The following GALR1 variants were observed in gnomAD, a reference collection of about 807,000 sequenced individuals.
GALR1 encodes the protein galanin receptor type 1.
Under a neutral mutation model 17.9 loss-of-function variants are expected in GALR1, and 11 were observed. The ratio of observed to expected loss-of-function variants is 0.62; its 90% confidence interval spans 0.39 to 1.02. The LOEUF (loss-of-function observed/expected upper bound fraction) is 1.02. GALR1 is among the 50% of genes least tolerant of loss of function. The probability of loss-of-function intolerance (pLI) is 0.01; values close to 1 mark genes in which losing one functional copy is unlikely to be tolerated. For missense variants in GALR1, 441 were observed against 456.9 expected (o/e 0.97, Z 0.32); for synonymous variants, 206 against 205.7 (o/e 1.00, Z -0.01).
rs984581278 is a variant in GALR1, at chr18:77,270,854, G to A, written c.*1952G>A. 3.9e-5 allele frequency: 6 copies of A among 152,214 alleles called. No homozygotes were observed. Among genetic ancestry groups the A allele is most frequent in the Non-Finnish European group, 8.8e-5 (6 of 68,008 alleles). The allele number at this position is 152,214 out of a possible 1,614,324, so 9.4% of individuals were successfully genotyped here. On this transcript the variant is annotated 3_prime_UTR_variant, in exon 3 of 3. Coordinates refer to ENST00000299727, the MANE Select transcript of GALR1 (RefSeq NM_001480.4). The stretch of plus-strand genomic sequence containing the variant: ...TCTTAAAGAATATGTCCTTTGCATC[G>A]AATGTTTTTTGCACTTTATTCAAAT...
rs1913036047 is a variant in GALR1 at position 77,270,222 on chromosome 18, A to G, written c.*1320A>G. ...AGTTTTTTTTTTGTTTGTTTGTTAAAAAGGATTTGGCCAAGCACAGTGGCT... is the reference window on the plus strand; with the variant it reads ...AGTTTTTTTTTTGTTTGTTTGTTAAGAAGGATTTGGCCAAGCACAGTGGCT... On this transcript the variant is annotated 3_prime_UTR_variant, in exon 3 of 3. Transcript: ENST00000299727. 1 of 152,220 alleles carries G rather than the reference A, an allele frequency of 6.6e-6. No individual in the cohort carries two copies. The highest frequency in any genetic ancestry group is 1.5e-5 in the Non-Finnish European group (1 of 68,040). The allele number at this position is 152,220 out of a possible 1,614,324, so 9.4% of individuals were successfully genotyped here.
At position 77,259,305 on chromosome 18, in the gene GALR1, ATGGTGGTGATGATGG is replaced by A. The variant is rs1294282341; in HGVS notation, c.732+3087_732+3101del. On this transcript the variant is annotated intron_variant, in intron 2 of 2. Transcript: ENST00000299727. The stretch of plus-strand genomic sequence containing the variant: ...GGTCATGGTGGTCATGGTGGTGATG[ATGGTGGTGATGATGG>A]TGGTCATGGTGGCGATTGTGGTGAT... Among the ~76,000 whole-genome samples the A allele has an allele frequency of 1.6e-3, 101 of 62,078 alleles. 3 individuals are homozygous for A. Among genetic ancestry groups the A allele is most frequent in the Admixed American group, 2.4e-3 (14 of 5,726 alleles). The allele number at this position is 62,078 out of a possible 152,430, so 40.7% of individuals were successfully genotyped here.
intron 1 of GALR1, among the ~76,000 whole-genome samples, 173 bp from the exon 2 acceptor site, chr18:77,255,985 T>A (rs1912579358): frequency 6.6e-6 from 1 of 152,242 alleles, no homozygotes; most frequent in African/African-American, 2.4e-5. Context: ...TAGAAAAGAA[T>A]GTATTTGGCA....
rs2144973844 is a variant in GALR1, at chr18:77,275,972, A to G, written c.*7070A>G. On this transcript the variant is annotated 3_prime_UTR_variant, in exon 3 of 3. Coordinates refer to ENST00000299727, the MANE Select transcript of GALR1 (RefSeq NM_001480.4). The stretch of plus-strand genomic sequence containing the variant: ...ACTGAGTGAATACACAGATTCCTAG[A>G]TTTGAGATATTTTCAAAATAGGGCT... 6.6e-6 allele frequency: 1 copy of G among 152,324 alleles called. No individual in the cohort carries two copies. The highest frequency in any genetic ancestry group is 6.5e-5 in the Admixed American group (1 of 15,298). The allele number at this position is 152,324 out of a possible 1,614,324, so 9.4% of individuals were successfully genotyped here.
In GALR1 at chr18:77,271,316, C is replaced by A. The variant is rs1351191357; in HGVS notation, c.*2414C>A. On this transcript the variant is annotated 3_prime_UTR_variant, in exon 3 of 3. Coordinates refer to ENST00000299727, the MANE Select transcript of GALR1 (RefSeq NM_001480.4). ...GCATTTTACAGTTAGATAGGATATA[C>A]TTCCTGCATATTGTCATTCTAATCA... 1 of 140,328 alleles carries A rather than the reference C, an allele frequency of 7.1e-6. No homozygotes were observed. Among genetic ancestry groups the A allele is most frequent in the African/African-American group, 2.6e-5 (1 of 38,356 alleles). The allele number at this position is 140,328 out of a possible 1,614,324, so 8.7% of individuals were successfully genotyped here.
In GALR1 at chr18:77,271,396, G is replaced by T. The variant is rs73486230; in HGVS notation, c.*2494G>T. On this transcript the variant is annotated 3_prime_UTR_variant, in exon 3 of 3. Transcript: ENST00000299727. ...CTACTTCTAAAACAAATTTTGATAGGGATAATGACATCTTCTGCAAAGATC... is the reference window on the plus strand; with the variant it reads ...CTACTTCTAAAACAAATTTTGATAGTGATAATGACATCTTCTGCAAAGATC... 6.6e-6 allele frequency: 1 copy of T among 151,944 alleles called. No homozygotes were observed. The highest frequency in any genetic ancestry group is 2.4e-5 in the African/African-American group (1 of 41,334). The allele number at this position is 151,944 out of a possible 1,614,324, so 9.4% of individuals were successfully genotyped here. A position where few individuals can be genotyped will look rare whatever the true frequency, so the allele number is the denominator to read the frequency against.
chr18:77,263,420 G>A (rs1456176848), intron 2 of GALR1, among the ~76,000 whole-genome samples: 1 of 152,178 alleles, frequency 6.6e-6, no homozygotes, highest in Non-Finnish European at 1.5e-5. Flanking sequence ...CATGGTCTAG[G>A]AATCATTTCA....
At chr18:77,253,202 A>T (rs1025319877) in intron 1 of GALR1, among the ~76,000 whole-genome samples, 1 of 152,176 alleles carries the variant, frequency 6.6e-6, no homozygotes, top group African/African-American at 2.4e-5. Context: ...CATCTCATTT[A>T]ATTTGCACAA....
Position 77,272,990 on chromosome 18 carries a change from T to G in GALR1, c.*4088T>G, listed in dbSNP as rs900895714. ...AGAGGTGTCTAAGGAGAGTGTATCG[T>G]GTATTGTGATGCATTAGCAGGATGT... On this transcript the variant is annotated 3_prime_UTR_variant, in exon 3 of 3. Transcript: ENST00000299727. 4 of 152,220 alleles carry G rather than the reference T, an allele frequency of 2.6e-5. No homozygotes were observed. Among genetic ancestry groups the G allele is most frequent in the African/African-American group, 9.7e-5 (4 of 41,442 alleles). 9.4% of individuals were successfully genotyped at this position (152,220 alleles called of 1,614,324 possible). A position where few individuals can be genotyped will look rare whatever the true frequency, so the allele number is the denominator to read the frequency against.
intron 1 of GALR1, among the ~76,000 whole-genome samples, chr18:77,252,965 C>T (rs1030121798): frequency 6.7e-4 from 33 of 49,594 alleles, no homozygotes; most frequent in South Asian, 5.8e-3. Flanking sequence ...ACCATCACCA[C>T]CACCATCACC....
At chr18:77,255,583 A>G (rs1912569006) in intron 1 of GALR1, among the ~76,000 whole-genome samples, 1 of 152,210 alleles carries the variant, frequency 6.6e-6, no homozygotes, top group African/African-American at 2.4e-5. Context: ...AGCCCATAAG[A>G]GGAAGGAGAA....
intron 2 of GALR1, among the ~76,000 whole-genome samples, chr18:77,260,050 A>G (rs1912794351): frequency 6.6e-6 from 1 of 152,118 alleles, no homozygotes; most frequent in African/African-American, 2.4e-5. Flanking sequence ...CTCTCAATGT[A>G]TAAGTAAAGT....
chr18:77,256,814 A>G (rs76440511), intron 2 of GALR1, among the ~76,000 whole-genome samples: 9,541 of 152,194 alleles, frequency 0.063, 533 homozygotes, highest in Admixed American at 0.18. Context: ...CCCCGATTTA[A>G]ACAAGCTTCT....
At position 77,252,983 on chromosome 18, in the gene GALR1, C is replaced by CCAT. The variant is rs1568139218; in HGVS notation, c.666+1771_666+1772insTCA. Among the ~76,000 whole-genome samples, 98 of 53,556 alleles carry CCAT rather than the reference C, an allele frequency of 1.8e-3. 2 individuals carry two copies. The highest frequency in any genetic ancestry group is 9.6e-3 in the Middle Eastern group (1 of 104). The allele number at this position is 53,556 out of a possible 152,430, so 35.1% of individuals were successfully genotyped here. A position where few individuals can be genotyped will look rare whatever the true frequency, so the allele number is the denominator to read the frequency against. On this transcript the variant is annotated intron_variant, in intron 1 of 2. Coordinates refer to ENST00000299727, the MANE Select transcript of GALR1 (RefSeq NM_001480.4). The stretch of plus-strand genomic sequence containing the variant: ...ATCACCACCACCATCACCACCATCA[C>CCAT]CACCATCACCACCACCACCACCACC...
At chr18:77,257,259 C>G (rs1184221235) in intron 2 of GALR1, among the ~76,000 whole-genome samples, 1 of 152,014 alleles carries the variant, frequency 6.6e-6, no homozygotes, top group Non-Finnish European at 1.5e-5. Context: ...GGTTATAGAG[C>G]ACAAACATTA....
Position 77,275,544 on chromosome 18 carries a change from G to C in GALR1, c.*6642G>C, listed in dbSNP as rs556183900. The C allele has an allele frequency of 1.3e-5, 2 of 152,358 alleles. No individual in the cohort carries two copies. The highest frequency in any genetic ancestry group is 4.1e-4 in the South Asian group (2 of 4,824). 9.4% of individuals were successfully genotyped at this position (152,358 alleles called of 1,614,324 possible). A position where few individuals can be genotyped will look rare whatever the true frequency, so the allele number is the denominator to read the frequency against. ...GTGATAGACAGGTGTCTTGCTATGT[G>C]ACTTGCCATTGCGGTCACTGGTTAT... On this transcript the variant is annotated 3_prime_UTR_variant, in exon 3 of 3. Transcript: ENST00000299727.
At chr18:77,258,647 GGTCATA>G (rs1912668871) in intron 2 of GALR1, among the ~76,000 whole-genome samples, 4 of 142,734 alleles carry the variant, frequency 2.8e-5, no homozygotes, top group South Asian at 2.2e-4. Context: ...TGGTGGTGGT[GGTCATA>G]GTGGTGGTGG....
chr18:77,265,411 G>A (rs549995599), intron 2 of GALR1, among the ~76,000 whole-genome samples: 7 of 152,190 alleles, frequency 4.6e-5, no homozygotes, highest in Admixed American at 1.3e-4. Flanking sequence ...GCCCCCTTCC[G>A]GGCTGCCTTC....
chr18:77,258,948 G>GTGA (rs1417037178), intron 2 of GALR1, among the ~76,000 whole-genome samples: 2,013 of 124,380 alleles, frequency 0.016, 14 homozygotes, highest in African/African-American at 0.065. Flanking sequence ...GATGATGGTG[G>GTGA]TCATGGTGGT....
Sources: gnomAD v4.1 joint callset for allele counts (sites outside exome capture counted in the v4.1 genomes callset) on GRCh38, gnomAD v4.1.1 for gene constraint, MANE v1.5 for transcripts, NCBI Gene and HGNC (gene_info 2026-07-23, HGNC 2026-07-21) for gene names.